The following MEN1 variants were observed in gnomAD, a reference collection of about 807,000 sequenced individuals.
MEN1 encodes the protein menin 1.
A neutral mutation model predicts 58.0 loss-of-function variants in MEN1; 6 were observed. The observed-to-expected ratio is 0.10, with a 90% confidence interval of 0.06 to 0.20. The LOEUF (loss-of-function observed/expected upper bound fraction) is 0.20. Among genes scored for constraint, MEN1 ranks in the 10% least tolerant of loss-of-function variants. The probability of loss-of-function intolerance (pLI) is 1.00; values close to 1 mark genes in which losing one functional copy is unlikely to be tolerated. For synonymous variants in MEN1, 346 were observed against 350.7 expected (o/e 0.99, Z 0.15); for missense variants, 492 against 818.5 (o/e 0.60, Z 4.87).
rs71526465 is a variant in MEN1, at chr11:64,808,040, C to T, written c.505G>A (p.Gly169Ser). Reference protein sequence around the residue: ...FAVVGACQALGLRDVHLALSE... With the variant: ...FAVVGACQALSLRDVHLALSE... ...AGGGCGAGGTGGACATCCCGGAGACCCAGGGCCTGGCAGGCCCCAACCACA... is the reference window on the plus strand; with the variant it reads ...AGGGCGAGGTGGACATCCCGGAGACTCAGGGCCTGGCAGGCCCCAACCACA... Residue 169 changes from glycine to serine, a missense_variant, in exon 3 of 10, where the codon GGT (glycine) becomes AGT (serine). Gly to Ser is a moderately conservative substitution (Grantham distance 56). Around this residue, in one of 5 missense-constraint regions of MEN1, gnomAD observed 335 missense variants for 550.3 expected, o/e 0.61. Transcript: ENST00000450708. 6.2e-7 allele frequency: 1 copy of T among 1,614,092 alleles called. No homozygotes were observed. Among genetic ancestry groups the T allele is most frequent in the Non-Finnish European group, 8.5e-7 (1 of 1,180,008 alleles).
At chr11:64,809,247 G>A (rs1392807651) in intron 2 of MEN1, among the ~76,000 whole-genome samples, 2 of 137,392 alleles carry the variant, frequency 1.5e-5, no homozygotes, top group Non-Finnish European at 3.1e-5. Context: ...CTGGGGGACA[G>A]AGTGAGACCC....
rs765446520 is a variant in MEN1 at position 64,805,807 on chromosome 11, G to C, written c.1050-37C>G. On this transcript the variant is annotated intron_variant, in intron 7 of 9. Coordinates refer to ENST00000450708, the MANE Select transcript of MEN1 (RefSeq NM_001370259.2). ...GTGGGGTCTCTGTAGGGTCTGAAGG[G>C]GTCTCACCATCGGGGGTAGCCCCAG... The C allele has an allele frequency of 5.0e-6, 8 of 1,613,466 alleles. No homozygotes were observed. In the Admixed American group the frequency reaches 1.3e-4, roughly 27 times the overall value.
intron 6 of MEN1, 123 bp from the exon 7 acceptor site, chr11:64,806,491 TC>T (rs1299953577): frequency 1.8e-6 from 2 of 1,134,186 alleles, no homozygotes; most frequent in East Asian, 2.4e-5. Flanking sequence ...CCTCTCCATC[TC>T]CACTCCCACC....
intron 8 of MEN1, 35 bp from the exon 9 acceptor site, chr11:64,805,233 TCTTACTCAC>T: frequency 6.2e-7 from 1 of 1,609,162 alleles, no homozygotes; most frequent in Non-Finnish European, 8.5e-7. Context: ...CAGATCAGTC[TCTTACTCAC>T]CCCTTAGCAG....
In MEN1 at chr11:64,808,005, A is replaced by T. The variant is rs1395745940; in HGVS notation, c.540T>A (p.Asp180Glu). The T allele has an allele frequency of 6.2e-7, 1 of 1,614,126 alleles. No individual in the cohort carries two copies. Among genetic ancestry groups the T allele is most frequent in the East Asian group, 2.2e-5 (1 of 44,884 alleles). Residue 180 changes from aspartate (D) to glutamate (E), a missense_variant, in exon 3 of 10, where the codon GAT (aspartate) becomes GAA (glutamate). Transcript: ENST00000450708. ...TGGGCCCAAACACTACCCAGGCATG[A>T]TCCTCAGACAGGGCGAGGTGGACAT... ...LRDVHLALSE[D>E]HAWVVFGPNG...
At chr11:64,805,585 G>A in intron 8 of MEN1, 50 bp downstream of exon 8, 1 of 1,607,720 alleles carries the variant, frequency 6.2e-7, no homozygotes, top group Non-Finnish European at 8.5e-7. Context: ...GTGGAAGGGA[G>A]CCCTGTCCAG....
chr11:64,804,162 T>G lies in MEN1; in HGVS notation c.*172A>C. The G allele has an allele frequency of 1.4e-5, 11 of 799,646 alleles. No individual in the cohort carries two copies. The highest frequency in any genetic ancestry group is 2.3e-5 in the Non-Finnish European group (11 of 483,090). The allele number at this position is 799,646 out of a possible 1,614,324, so 49.5% of individuals were successfully genotyped here. A position where few individuals can be genotyped will look rare whatever the true frequency, so the allele number is the denominator to read the frequency against. On this transcript the variant is annotated 3_prime_UTR_variant, in exon 10 of 10. Transcript: ENST00000450708. The surrounding 1 kb of genome is among the most constrained non-coding windows in gnomAD (Gnocchi z 4.2). The stretch of plus-strand genomic sequence containing the variant: ...ACGACTGGGGCAGAGCCCTGGGTTC[T>G]GAGCTGGAGAAAATCGTGGGTTTGA...
At chr11:64,810,750 C>G (rs911042354), upstream of MEN1, 1 of 152,368 alleles carries the variant, frequency 6.6e-6, no homozygotes, top group African/African-American at 2.4e-5. Context: ...TGGCCCTTCC[C>G]TTCAGGCCGA....
chr11:64,805,264 C>G, intron 8 of MEN1, 66 bp from the exon 9 acceptor site: 1 of 1,565,240 alleles, frequency 6.4e-7, no homozygotes, highest in Non-Finnish European at 8.7e-7. Context: ...GGGCACAGGC[C>G]AGGCCCCCCA....
At chr11:64,806,584 G>A (rs912913112) in intron 6 of MEN1, among the ~76,000 whole-genome samples, 1 of 152,166 alleles carries the variant, frequency 6.6e-6, no homozygotes. Context: ...AGACTGCAGG[G>A]GTGGGGCCTG....
chr11:64,808,887 A>G (rs1220367670), intron 2 of MEN1, among the ~76,000 whole-genome samples: 1 of 151,564 alleles, frequency 6.6e-6, no homozygotes, highest in Non-Finnish European at 1.5e-5. Flanking sequence ...AGCAGGAGGC[A>G]GAGCTTGCAG....
chr11:64,810,896 G>C (rs1224160260), upstream of MEN1: 2 of 152,240 alleles, frequency 1.3e-5, no homozygotes, highest in Non-Finnish European at 2.9e-5. Context: ...TGAGGAAAAA[G>C]ATCAGGTTGC....
chr11:64,809,276 A>AT (rs1941952185), intron 2 of MEN1, among the ~76,000 whole-genome samples: 1 of 151,368 alleles, frequency 6.6e-6, no homozygotes, highest in African/African-American at 2.4e-5. Flanking sequence ...AAAAAAAAAA[A>AT]AAAAAAATCT....
Position 64,809,915 on chromosome 11 carries a change from G to A in MEN1, c.195C>T (p.Pro65=), listed in dbSNP as rs1438097332. 1 of 1,587,054 alleles carries A rather than the reference G, an allele frequency of 6.3e-7. No homozygotes were observed. Among genetic ancestry groups the A allele is most frequent in the Admixed American group, 1.8e-5 (1 of 54,662 alleles). ...PTNVPELTFQ[P]SPAPDPPGGL... ...CGCCAGGCGGGTCGGGGGCGGGGCTGGGCTGGAAGGTGAGCTCGGGAACGT... is the reference window on the plus strand; with the variant it reads ...CGCCAGGCGGGTCGGGGGCGGGGCTAGGCTGGAAGGTGAGCTCGGGAACGT... Residue 65 remains proline (P), a synonymous_variant, in exon 2 of 10, where the codon CCC becomes CCT. Transcript: ENST00000450708.
In MEN1 at chr11:64,804,746, T is replaced by C. The variant is rs2136090940; in HGVS notation, c.1421A>G (p.Glu474Gly). The C allele has an allele frequency of 6.3e-7, 1 of 1,597,230 alleles. No homozygotes were observed. Among genetic ancestry groups the C allele is most frequent in the Non-Finnish European group, 8.5e-7 (1 of 1,178,802 alleles). ...GCCCCGCCGCCGGCCTTCCCGGGCTTCCTCGCCCCACGGCTCCTCGGCCTC... is the reference window on the plus strand; with the variant it reads ...GCCCCGCCGCCGGCCTTCCCGGGCTCCCTCGCCCCACGGCTCCTCGGCCTC... ...AAEAEEPWGEEAREGRRRGPR... is the reference protein window; with the variant it reads ...AAEAEEPWGEGAREGRRRGPR... Residue 474 changes from glutamate to glycine, a missense_variant, in exon 10 of 10, where the codon GAA becomes GGA. By Grantham distance (98) the Glu-to-Gly change is moderately conservative. Coordinates refer to ENST00000450708, the MANE Select transcript of MEN1 (RefSeq NM_001370259.2). This position sits in a 1 kb window ranked among gnomAD's most constrained non-coding sequence, Gnocchi z 4.2.
rs2136119513 is a variant in MEN1 at position 64,806,286 on chromosome 11, C to T, written c.995G>A (p.Arg332His). 1.2e-6 allele frequency: 2 copies of T among 1,614,186 alleles called. No homozygotes were observed. The highest frequency in any genetic ancestry group is 2.2e-5 in the East Asian group (1 of 44,886). The change falls in exon 7 of 10, where the codon CGC becomes CAC. Residue 332 changes from arginine (R) to histidine (H), a missense_variant. Transcript: ENST00000450708. ...GGCCTGCAGGGCTTCCCGCACATTG[C>T]GGTTGCGACAGTGGTAGCCAGCCAG... ...MYLAGYHCRN[R>H]NVREALQAWA...
In MEN1 at chr11:64,807,329, G is replaced by A; in HGVS notation, c.784-110C>T. On this transcript the variant is annotated intron_variant, in intron 4 of 9. Transcript: ENST00000450708. This position sits in a 1 kb window ranked among gnomAD's most constrained non-coding sequence, Gnocchi z 4.9. ...ACCAACAGGGACCACCCACCATGTG[G>A]AAGGGCCAAAATTCTGGGACCAGCC... is the stretch of plus-strand genomic sequence containing the variant. 1 of 1,312,764 alleles carries A rather than the reference G, an allele frequency of 7.6e-7. No homozygotes were observed. The highest frequency in any genetic ancestry group is 2.4e-5 in the East Asian group (1 of 41,296). 81.3% of individuals were successfully genotyped at this position (1,312,764 alleles called of 1,614,324 possible).
Position 64,804,296 on chromosome 11 carries a change from G to GCCTGGGTCCCCACAAGCGGT in MEN1, c.*18_*37dup, listed in dbSNP as rs749255998. The GCCTGGGTCCCCACAAGCGGT allele has an allele frequency of 3.1e-6, 5 of 1,613,818 alleles. No individual in the cohort carries two copies. The South Asian group carries it at 5.5e-5, about 18-fold the overall frequency. On this transcript the variant is annotated 3_prime_UTR_variant, in exon 10 of 10. Transcript: ENST00000450708. The surrounding 1 kb of genome is among the most constrained non-coding windows in gnomAD (Gnocchi z 4.2). The stretch of plus-strand genomic sequence containing the variant: ...TCAGAGTTGGGGGACTAAGGGCGGA[G>GCCTGGGTCCCCACAAGCGGT]CCTGGGTCCCCACAAGCGGTCCGAA...
intron 7 of MEN1, 50 bp from the exon 8 acceptor site, chr11:64,805,820 G>C: frequency 2.5e-6 from 4 of 1,610,864 alleles, no homozygotes; most frequent in Non-Finnish European, 3.4e-6. Context: ...CTCACCATCG[G>C]GGGTAGCCCC....
Sources: allele counts gnomAD v4.1 joint callset (sites outside exome capture counted in the v4.1 genomes callset), GRCh38; gene constraint gnomAD v4.1.1; regional missense constraint gnomAD v4.1.1; non-coding constraint Gnocchi (gnomAD v3.1); transcripts MANE v1.5; gene names NCBI Gene and HGNC (gene_info 2026-07-23, HGNC 2026-07-21).